Variants in AGBL5 observed in about 807,000 individuals in gnomAD.
AGBL5 encodes the protein AGBL carboxypeptidase 5.
AGBL5 carries 51 observed loss-of-function variants against 88.0 expected under a neutral mutation model. The observed-to-expected ratio is 0.58, with a 90% CI of 0.46 to 0.73. AGBL5 has a LOEUF of 0.73. AGBL5 is among the 30% of genes least tolerant of loss of function. The pLI is 0.00. For synonymous variants in AGBL5, 446 were observed against 438.8 expected (o/e 1.02, Z -0.21); for missense variants, 1,031 against 1,162.2 (o/e 0.89, Z 1.64).
At chr2:27,068,583 C>G in intron 12 of AGBL5, 49 bp from the exon 13 acceptor site, 1 of 1,539,864 alleles carries the variant, frequency 6.5e-7, no homozygotes, top group Non-Finnish European at 8.9e-7. Flanking sequence ...TGGAAGTTAC[C>G]TCCTCTTCTC....
upstream of AGBL5, among the ~76,000 whole-genome samples, chr2:27,050,765 A>T (rs768117295): frequency 6.6e-6 from 1 of 152,000 alleles, no homozygotes; most frequent in African/African-American, 2.4e-5. Flanking sequence ...TATCAGCAGC[A>T]TCTTATCGCA....
chr2:27,068,485 A>G (rs1200870795), intron 12 of AGBL5, 147 bp from the exon 13 acceptor site: 2 of 646,240 alleles, frequency 3.1e-6, no homozygotes, highest in Non-Finnish European at 5.3e-6. Context: ...GCTGCGAAAC[A>G]TCCTACAATG....
chr2:27,056,105 G>A lies in AGBL5; in HGVS notation c.1332G>A (p.Met444Ile). Residue 444 changes from methionine (M) to isoleucine (I), a missense_variant, in exon 7 of 15, where the codon ATG becomes ATA. Physicochemically the swap from Met to Ile is conservative, Grantham distance 10 (BLOSUM62 1). Transcript: ENST00000360131. The part of the protein sequence containing the change: ...HGHASKRGCF[M>I]YGNSFSDEST... ...ATGCTTCCAAAAGGGGCTGCTTCAT[G>A]TACGGAAACAGCTTTAGTGATGAGA... 3 of 1,613,696 alleles carry A rather than the reference G, an allele frequency of 1.9e-6. No individual in the cohort carries two copies. The South Asian group carries it at 3.3e-5, about 18-fold the overall frequency.
upstream of AGBL5, among the ~76,000 whole-genome samples, chr2:27,051,258 G>A (rs371888164): frequency 1.8e-4 from 27 of 152,332 alleles, no homozygotes; most frequent in South Asian, 4.1e-4. Context: ...GCATGCGAGA[G>A]GTAGCGGGAT....
At chr2:27,066,593 G>GT (rs1669001014) in intron 11 of AGBL5, among the ~76,000 whole-genome samples, 1 of 152,178 alleles carries the variant, frequency 6.6e-6, no homozygotes, top group South Asian at 2.1e-4. Flanking sequence ...GAAGCAATCA[G>GT]TGGTAAGAGG....
upstream of AGBL5, chr2:27,051,163 T>C (rs1668095853): frequency 6.6e-6 from 1 of 152,336 alleles, no homozygotes; most frequent in South Asian, 2.1e-4. Flanking sequence ...CACTGGTCAG[T>C]GAACAGTGCA....
At chr2:27,067,730 A>G (rs544131269) in intron 12 of AGBL5, 84 bp downstream of exon 12, 1 of 1,497,606 alleles carries the variant, frequency 6.7e-7, no homozygotes, top group South Asian at 1.1e-5. Context: ...TTGGGAGACC[A>G]GGGGCATCAC....
In AGBL5 at chr2:27,053,417, C is replaced by T; in HGVS notation, c.231C>T (p.Phe77=). Residue 77 remains phenylalanine (F), a synonymous_variant, in exon 3 of 15, where the codon TTC becomes TTT. Coordinates refer to ENST00000360131, the MANE Select transcript of AGBL5 (RefSeq NM_021831.6). This position sits in a 1 kb window ranked among gnomAD's most constrained non-coding sequence, Gnocchi z 4.9. ...TGGTCCTCAGGTCATGGTTCTACTT[C>T]AGCGTCCGGGGAGGAATGCCAGGAA... is the stretch of plus-strand genomic sequence containing the variant. The part of the protein sequence containing the change: ...FENGNRSWFY[F]SVRGGMPGKL... 2 of 1,614,086 alleles carry T rather than the reference C, an allele frequency of 1.2e-6. No homozygotes were observed. The highest frequency in any genetic ancestry group is 1.7e-4 in the Middle Eastern group (1 of 6,058).
upstream of AGBL5, chr2:27,051,276 C>T (rs555222894): frequency 3.3e-5 from 5 of 152,188 alleles, no homozygotes; most frequent in South Asian, 2.1e-4. Flanking sequence ...GATCGATGCC[C>T]GCATCCTCCA....
intron 13 of AGBL5, 41 bp downstream of exon 13, chr2:27,068,785 C>A: frequency 6.2e-7 from 1 of 1,609,438 alleles, no homozygotes; most frequent in Non-Finnish European, 8.5e-7. Flanking sequence ...TCTGGCAGAA[C>A]CCAGCAAGGC....
At chr2:27,068,297 T>C (rs1281481983) in intron 12 of AGBL5, among the ~76,000 whole-genome samples, 1 of 152,088 alleles carries the variant, frequency 6.6e-6, no homozygotes, top group East Asian at 1.9e-4. Context: ...TAAGCTTGGG[T>C]GCGTTCCGAT....
chr2:27,053,992 A>G lies in AGBL5; in HGVS notation c.484A>G (p.Ser162Gly), dbSNP rs140994852. 6.2e-7 allele frequency: 1 copy of G among 1,614,142 alleles called. No individual in the cohort carries two copies. Among genetic ancestry groups the G allele is most frequent in the Non-Finnish European group, 8.5e-7 (1 of 1,180,012 alleles). ...FFAFCYPFSYSDCQELLNQLD... is the reference protein window; with the variant it reads ...FFAFCYPFSYGDCQELLNQLD... ...CGCCTTCTGCTACCCCTTCTCCTAC[A>G]GTGACTGCCAGGAACTGCTAAACCA... Residue 162 changes from serine (S) to glycine (G), a missense_variant, in exon 4 of 15, where the codon AGT (serine) becomes GGT (glycine). Around this residue, in one of 2 missense-constraint regions of AGBL5, gnomAD observed 540 missense variants for 678.2 expected, o/e 0.80. Coordinates refer to ENST00000360131, the MANE Select transcript of AGBL5 (RefSeq NM_021831.6). The surrounding 1 kb of genome is among the most constrained non-coding windows in gnomAD (Gnocchi z 4.9).
rs952426931 is a variant in AGBL5 at position 27,068,680 on chromosome 2, T to G, written c.2291T>G (p.Met764Arg). The G allele has an allele frequency of 6.2e-7, 1 of 1,613,968 alleles. No homozygotes were observed. The highest frequency in any genetic ancestry group is 1.3e-5 in the African/African-American group (1 of 74,884). Residue 764 changes from methionine (M) to arginine (R), a missense_variant, in exon 13 of 15, where the codon ATG becomes AGG. Transcript: ENST00000360131. Reference protein sequence around the residue: ...LSSGDKPEAVMVIGKGLLGTG... With the variant: ...LSSGDKPEAVRVIGKGLLGTG... Reference sequence around the variant, plus strand: ...TCTGGAGACAAACCAGAGGCTGTCATGGTAATCGGGAAAGGTCTGCTAGGG... The same window carrying G: ...TCTGGAGACAAACCAGAGGCTGTCAGGGTAATCGGGAAAGGTCTGCTAGGG...
chr2:27,068,644 C>A lies in AGBL5; in HGVS notation c.2255C>A (p.Ser752Ter). The change falls in exon 13 of 15, where the codon TCA becomes TAA. Residue 752 changes from serine (S) to a stop codon, truncating the protein, a stop_gained. Coordinates refer to ENST00000360131, the MANE Select transcript of AGBL5 (RefSeq NM_021831.6). LOFTEE classifies it high-confidence loss of function. ...CTCTGTTCCCTAGGGAGCAGTTGCTCACTCTTGTCCTCTGGAGACAAACCA... is the reference window on the plus strand; with the variant it reads ...CTCTGTTCCCTAGGGAGCAGTTGCTAACTCTTGTCCTCTGGAGACAAACCA... Reference protein sequence around the residue: ...DSFNIPGSSCSLLSSGDKPEA... With the variant: ...DSFNIPGSSC The A allele has an allele frequency of 6.2e-7, 1 of 1,613,984 alleles. No homozygotes were observed. The highest frequency in any genetic ancestry group is 8.5e-7 in the Non-Finnish European group (1 of 1,179,936).
At chr2:27,059,808 G>C (rs1668623400) in intron 11 of AGBL5, among the ~76,000 whole-genome samples, 1 of 152,194 alleles carries the variant, frequency 6.6e-6, no homozygotes, top group Non-Finnish European at 1.5e-5. Context: ...AATCTTATCT[G>C]TGGTCTTTAT....
At position 27,054,444 on chromosome 2, in the gene AGBL5, TG is replaced by T. The variant is rs142463389; in HGVS notation, c.552-185del. Among the ~76,000 whole-genome samples, 1,393 of 152,300 alleles carry T rather than the reference TG, an allele frequency of 9.1e-3. 20 individuals are homozygous for T. The highest frequency in any genetic ancestry group is 0.032 in the African/African-American group (1,326 of 41,552). On this transcript the variant is annotated intron_variant, in intron 4 of 14. Coordinates refer to ENST00000360131, the MANE Select transcript of AGBL5 (RefSeq NM_021831.6). Reference sequence around the variant, plus strand: ...GGGGAACAACAAGTTCACCCTGTCCTGTACTCTTCATTCTGGCAATGTAAAC... The same window carrying T: ...GGGGAACAACAAGTTCACCCTGTCCTTACTCTTCATTCTGGCAATGTAAAC...
Position 27,070,344 on chromosome 2 carries a change from C to A in AGBL5, c.*81C>A. On this transcript the variant is annotated 3_prime_UTR_variant, in exon 15 of 15. Coordinates refer to ENST00000360131, the MANE Select transcript of AGBL5 (RefSeq NM_021831.6). ...AATATGCTAGTTCCCCTCCAGGCCG[C>A]TGATTCCATGTGACAGCCGTTAAGT... 1 of 1,447,974 alleles carries A rather than the reference C, an allele frequency of 6.9e-7. No homozygotes were observed. The allele number at this position is 1,447,974 out of a possible 1,614,324, so 89.7% of individuals were successfully genotyped here. A position where few individuals can be genotyped will look rare whatever the true frequency, so the allele number is the denominator to read the frequency against.
intron 6 of AGBL5, 45 bp downstream of exon 6, chr2:27,055,298 C>T: frequency 6.3e-7 from 1 of 1,589,296 alleles, no homozygotes; most frequent in Non-Finnish European, 8.6e-7. Flanking sequence ...CATTTCCCCT[C>T]ATGCCCTGCA....
At chr2:27,065,446 C>T (rs139709895) in intron 11 of AGBL5, among the ~76,000 whole-genome samples, 2 of 152,302 alleles carry the variant, frequency 1.3e-5, no homozygotes, top group African/African-American at 4.8e-5. Flanking sequence ...ATGATTGATC[C>T]AGCTCATGGT....
Sources: allele counts gnomAD v4.1 joint callset (sites outside exome capture counted in the v4.1 genomes callset), GRCh38; gene constraint gnomAD v4.1.1; regional missense constraint gnomAD v4.1.1; non-coding constraint Gnocchi (gnomAD v3.1); transcripts MANE v1.5; gene names NCBI Gene and HGNC (gene_info 2026-07-23, HGNC 2026-07-21).